The following WDR97 variants were observed in gnomAD, a reference collection of about 807,000 sequenced individuals.
WDR97 encodes WD repeat-containing protein 97.
WDR97 carries 111 observed loss-of-function variants against 65.4 expected under a neutral mutation model. The observed-to-expected ratio is 1.70, with a 90% CI of 1.45 to 1.99. The LOEUF (loss-of-function observed/expected upper bound fraction) is 1.99, where lower values mean the gene tolerates loss of function less well. Among genes scored for constraint, WDR97 ranks in the 30% most tolerant of loss-of-function variants. The pLI is 0.00. For missense variants in WDR97, 1,674 were observed against 865.0 expected (o/e 1.94, Z -11.73); for synonymous variants, 802 against 397.7 (o/e 2.02, Z -12.10).
At chr8:144,115,044 C>T (rs1431866061) in intron 21 of WDR97, 133 bp downstream of exon 21, 2 of 603,978 alleles carry the variant, frequency 3.3e-6, no homozygotes, top group East Asian at 2.7e-5. Flanking sequence ...CCTCCAGCCT[C>T]CCTGCCCTGA....
Position 144,116,223 on chromosome 8 carries a change from C to G in WDR97, c.4799C>G (p.Pro1600Arg). 1.5e-6 allele frequency: 1 copy of G among 683,802 alleles called. No homozygotes were observed. The highest frequency in any genetic ancestry group is 2.7e-6 in the Non-Finnish European group (1 of 374,944). 42.4% of individuals were successfully genotyped at this position (683,802 alleles called of 1,614,324 possible). A position where few individuals can be genotyped will look rare whatever the true frequency, so the allele number is the denominator to read the frequency against. Residue 1600 changes from proline to arginine, a missense_variant, in exon 24 of 24, where the codon CCG becomes CGG. Pro to Arg is a moderately radical substitution (Grantham distance 103, BLOSUM62 -2). Coordinates refer to ENST00000323662, the MANE Select transcript of WDR97 (RefSeq NM_001316309.2). ...CCTATGCCCCCGCGCCCGCTGCCCCCGCGGCTCCTGCAGCCGGCCCTGCAG... is the reference window on the plus strand; with the variant it reads ...CCTATGCCCCCGCGCCCGCTGCCCCGGCGGCTCCTGCAGCCGGCCCTGCAG... ...DWPMPPRPLPPRLLQPALQRY... is the reference protein window; with the variant it reads ...DWPMPPRPLPRRLLQPALQRY...
chr8:144,115,551 AC>A lies in WDR97; in HGVS notation c.4292del (p.Pro1431LeufsTer12). On this transcript the variant is annotated frameshift_variant, in exon 22 of 24. Coordinates refer to ENST00000323662, the MANE Select transcript of WDR97 (RefSeq NM_001316309.2). LOFTEE classifies it high-confidence loss of function. ...GCTGGCACCCAAGCGCAGCTGGGGG[AC>A]CCCTCAGCTCCGTCTCAGAGTGCTC... The part of the protein sequence containing the change: ...RMLAPKRSWG[T>X]PQLRLRVLSE... 1 of 696,250 alleles carries A rather than the reference AC, an allele frequency of 1.4e-6. No individual in the cohort carries two copies. The highest frequency in any genetic ancestry group is 2.0e-5 in the Admixed American group (1 of 49,736). The allele number at this position is 696,250 out of a possible 1,614,324, so 43.1% of individuals were successfully genotyped here.
chr8:144,115,845 C>T lies in WDR97; in HGVS notation c.4582C>T (p.Pro1528Ser), dbSNP rs750275805. The T allele has an allele frequency of 7.1e-5, 49 of 689,962 alleles. 1 individual carries two copies. The highest frequency in any genetic ancestry group is 7.1e-4 in the South Asian group (47 of 66,416). 42.7% of individuals were successfully genotyped at this position (689,962 alleles called of 1,614,324 possible). ...GGTGCCCGACATGGTGGTGCCACCT[C>T]CGCGGGAGCACTGGTGCGCGGGGCC... ...APVPDMVVPP[P>S]REHWYHPILR... The change falls in exon 22 of 24, where the codon CCG becomes TCG. Residue 1528 changes from proline (P) to serine (S), a missense_variant. Coordinates refer to ENST00000323662, the MANE Select transcript of WDR97 (RefSeq NM_001316309.2).
chr8:144,113,176 G>A, intron 15 of WDR97: 1 of 550,802 alleles, frequency 1.8e-6, no homozygotes, highest in Non-Finnish European at 3.2e-6. Context: ...GGGTGTCAGG[G>A]CCCCTAGAAG....
Position 144,112,130 on chromosome 8 carries a change from A to C in WDR97, c.2881A>C (p.Ser961Arg), listed in dbSNP as rs1346330548. ...CCCACCCACCCACCGTAGGGTGCAC[A>C]GCAAGGCATCCCAGGTGAGGCTTCC... Reference protein sequence around the residue: ...PIPPTHRRVHSKASQLLARSS... With the variant: ...PIPPTHRRVHRKASQLLARSS... Residue 961 changes from serine to arginine, a missense_variant, in exon 13 of 24, where the codon AGC becomes CGC. Ser to Arg is a moderately radical substitution (Grantham distance 110). Transcript: ENST00000323662. The C allele has an allele frequency of 1.4e-6, 1 of 701,888 alleles. No homozygotes were observed. The highest frequency in any genetic ancestry group is 1.5e-5 in the South Asian group (1 of 67,572). 43.5% of individuals were successfully genotyped at this position (701,888 alleles called of 1,614,324 possible).
rs1022069914 is a variant in WDR97, at chr8:144,115,362, G to T, written c.4099G>T (p.Val1367Leu). ...ELQETPSQTS[V>L]VSGAPTRASV... ...CAAGGAGACCCCATCGCAGACGTCA[G>T]TGGTCTCTGGGGCACCCACACGCGC... Residue 1367 changes from valine to leucine, a missense_variant, in exon 22 of 24, where the codon GTG becomes TTG. Transcript: ENST00000323662. The T allele has an allele frequency of 2.6e-5, 16 of 607,898 alleles. No homozygotes were observed. The highest frequency in any genetic ancestry group is 8.9e-6 in the Non-Finnish European group (3 of 337,488). The allele number at this position is 607,898 out of a possible 1,614,324, so 37.7% of individuals were successfully genotyped here.
At position 144,115,656 on chromosome 8, in the gene WDR97, C is replaced by G. The variant is rs1383247635; in HGVS notation, c.4393C>G (p.Pro1465Ala). Residue 1465 changes from proline to alanine, a missense_variant, in exon 22 of 24, where the codon CCG (proline) becomes GCG (alanine). By Grantham distance (27) the Pro-to-Ala change is conservative. Coordinates refer to ENST00000323662, the MANE Select transcript of WDR97 (RefSeq NM_001316309.2). ...CGGGCCTGCTCAGCTGCCCGGAGAG[C>G]CGCCGCCGCTGGAGGAGACCGACTG... ...PAGPAQLPGE[P>A]PPLEETDWSH... is the part of the protein sequence containing the mutation. The G allele has an allele frequency of 5.8e-6, 4 of 692,354 alleles. No homozygotes were observed. The highest frequency in any genetic ancestry group is 1.1e-5 in the Non-Finnish European group (4 of 379,696). 42.9% of individuals were successfully genotyped at this position (692,354 alleles called of 1,614,324 possible). A position where few individuals can be genotyped will look rare whatever the true frequency, so the allele number is the denominator to read the frequency against.
chr8:144,116,440 G>A lies in WDR97; in HGVS notation c.*147G>A, dbSNP rs1836669495. The A allele has an allele frequency of 9.5e-6, 5 of 527,992 alleles. No homozygotes were observed. The highest frequency in any genetic ancestry group is 6.4e-5 in the East Asian group (2 of 31,460). The allele number at this position is 527,992 out of a possible 1,614,324, so 32.7% of individuals were successfully genotyped here. ...CCCGGGGTGCGCACGGCGTGTGGGC[G>A]TGCGGCCTGAACCCACAGTGGCGGC... On this transcript the variant is annotated 3_prime_UTR_variant, in exon 24 of 24. Transcript: ENST00000323662.
Position 144,110,506 on chromosome 8 carries a change from T to C in WDR97, c.2009T>C (p.Val670Ala). 1.4e-6 allele frequency: 1 copy of C among 702,960 alleles called. No homozygotes were observed. The highest frequency in any genetic ancestry group is 2.6e-6 in the Non-Finnish European group (1 of 384,964). The allele number at this position is 702,960 out of a possible 1,614,324, so 43.5% of individuals were successfully genotyped here. A position where few individuals can be genotyped will look rare whatever the true frequency, so the allele number is the denominator to read the frequency against. The change falls in exon 7 of 24, where the codon GTG (valine) becomes GCG (alanine). Residue 670 changes from valine to alanine, a missense_variant. Transcript: ENST00000323662. ...CCAGACAGCGCTACCTACGGCCTGG[T>C]GCAGTTTGGCCTGGGCGACAGTCCG... The part of the protein sequence containing the change: ...EDPDSATYGL[V>A]QFGLGDSPRL...
rs1255459060 is a variant in WDR97, at chr8:144,109,550, A to G, written c.1216A>G (p.Met406Val). 3 of 697,406 alleles carry G rather than the reference A, an allele frequency of 4.3e-6. No individual in the cohort carries two copies. The highest frequency in any genetic ancestry group is 2.7e-5 in the East Asian group (1 of 36,920). 43.2% of individuals were successfully genotyped at this position (697,406 alleles called of 1,614,324 possible). Reference sequence around the variant, plus strand: ...GGTGCTGTCCCTGTGCGCGAGCAGCATGCAGCTGTGGCGCGTACGCGAGCT... The same window carrying G: ...GGTGCTGTCCCTGTGCGCGAGCAGCGTGCAGCTGTGGCGCGTACGCGAGCT... ...WPVLSLCASS[M>V]QLWRVRELYS... The change falls in exon 5 of 24, where the codon ATG becomes GTG. Residue 406 changes from methionine to valine, a missense_variant. By Grantham distance (21) the Met-to-Val change is conservative. Coordinates refer to ENST00000323662, the MANE Select transcript of WDR97 (RefSeq NM_001316309.2).
chr8:144,108,669 C>T lies in WDR97; in HGVS notation c.603C>T (p.Cys201=), dbSNP rs764282662. ...VGRAPGWAPT[C]CLPVPDLRLL... is the part of the protein sequence containing the mutation. ...GGGCCCCGGGTTGGGCGCCCACCTGCTGCCTGCCGGTTCCCGACCTCAGGC... is the reference window on the plus strand; with the variant it reads ...GGGCCCCGGGTTGGGCGCCCACCTGTTGCCTGCCGGTTCCCGACCTCAGGC... Residue 201 remains cysteine (C), a synonymous_variant, in exon 3 of 24, where the codon TGC becomes TGT. Coordinates refer to ENST00000323662, the MANE Select transcript of WDR97 (RefSeq NM_001316309.2). 4 of 700,630 alleles carry T rather than the reference C, an allele frequency of 5.7e-6. No individual in the cohort carries two copies. The highest frequency in any genetic ancestry group is 1.7e-5 in the African/African-American group (1 of 57,210). 43.4% of individuals were successfully genotyped at this position (700,630 alleles called of 1,614,324 possible).
chr8:144,108,596 T>G lies in WDR97; in HGVS notation c.530T>G (p.Leu177Arg), dbSNP rs1019302404. 1.4e-6 allele frequency: 1 copy of G among 700,828 alleles called. No individual in the cohort carries two copies. Among genetic ancestry groups the G allele is most frequent in the Admixed American group, 2.0e-5 (1 of 49,988 alleles). 43.4% of individuals were successfully genotyped at this position (700,828 alleles called of 1,614,324 possible). Residue 177 changes from leucine (L) to arginine (R), a missense_variant, in exon 3 of 24, where the codon CTG becomes CGG. Leu to Arg is a moderately radical substitution (Grantham distance 102, BLOSUM62 -2). Coordinates refer to ENST00000323662, the MANE Select transcript of WDR97 (RefSeq NM_001316309.2). ...VGWGPAGLAI[L>R]RPNLSLLWLS... Reference sequence around the variant, plus strand: ...TGGGGCCCCGCGGGGCTGGCAATTCTGAGGCCCAACCTCAGCCTGCTGTGG... The same window carrying G: ...TGGGGCCCCGCGGGGCTGGCAATTCGGAGGCCCAACCTCAGCCTGCTGTGG...
rs1228025551 is a variant in WDR97 at position 144,108,553 on chromosome 8, G to A, written c.487G>A (p.Val163Met). ...LVTVLGPLGA[V>M]GRFVGWGPAG... The stretch of plus-strand genomic sequence containing the variant: ...GACCGTGCTGGGCCCGCTGGGTGCC[G>A]TGGGCCGTTTTGTAGGCTGGGGCCC... The change falls in exon 3 of 24, where the codon GTG becomes ATG. Residue 163 changes from valine (V) to methionine (M), a missense_variant. Transcript: ENST00000323662. 5.7e-6 allele frequency: 4 copies of A among 700,902 alleles called. No homozygotes were observed. Among genetic ancestry groups the A allele is most frequent in the East Asian group, 5.4e-5 (2 of 37,274 alleles). 43.4% of individuals were successfully genotyped at this position (700,902 alleles called of 1,614,324 possible).
intron 11 of WDR97, 48 bp downstream of exon 11, chr8:144,111,534 C>G (rs1457108788): frequency 7.2e-6 from 5 of 696,992 alleles, no homozygotes; most frequent in Non-Finnish European, 1.3e-5. Context: ...CAGGCCCCAG[C>G]CGTCAGCCCT....
rs1476600618 is a variant in WDR97 at position 144,115,746 on chromosome 8, CG to C, written c.4486del (p.Ala1496ArgfsTer57). 6 of 701,286 alleles carry C rather than the reference CG, an allele frequency of 8.6e-6. No individual in the cohort carries two copies. In the East Asian group the frequency reaches 1.3e-4, roughly 16 times the overall value. The allele number at this position is 701,286 out of a possible 1,614,324, so 43.4% of individuals were successfully genotyped here. ...DALNFFCEQL[R>X]AQQRSSLQEK... Reference sequence around the variant, plus strand: ...GCTCAACTTCTTCTGTGAGCAGCTGCGGGCGCAGCAGCGGAGTTCGCTCCAG... The same window carrying C: ...GCTCAACTTCTTCTGTGAGCAGCTGCGGCGCAGCAGCGGAGTTCGCTCCAG... On this transcript the variant is annotated frameshift_variant, in exon 22 of 24. Transcript: ENST00000323662. LOFTEE classifies it high-confidence loss of function.
chr8:144,110,776 C>A, intron 8 of WDR97, 37 bp downstream of exon 8: 1 of 702,634 alleles, frequency 1.4e-6, no homozygotes, highest in East Asian at 2.7e-5. Flanking sequence ...GGTCTCCTAC[C>A]TCTGCTCCTC....
At position 144,111,204 on chromosome 8, in the gene WDR97, A is replaced by G. The variant is rs1836541890; in HGVS notation, c.2408A>G (p.His803Arg). ...SAQLQRLTNL[H>R]GAASLSEALS... ...CAACTGCAGAGGCTCACCAACCTCCATGGGGCAGCCAGCCTCAGGTCCCAT... is the reference window on the plus strand; with the variant it reads ...CAACTGCAGAGGCTCACCAACCTCCGTGGGGCAGCCAGCCTCAGGTCCCAT... Residue 803 changes from histidine (H) to arginine (R), a missense_variant, in exon 10 of 24, where the codon CAT (histidine) becomes CGT (arginine). Coordinates refer to ENST00000323662, the MANE Select transcript of WDR97 (RefSeq NM_001316309.2). The G allele has an allele frequency of 1.4e-6, 1 of 702,538 alleles. No individual in the cohort carries two copies. The highest frequency in any genetic ancestry group is 1.5e-5 in the South Asian group (1 of 67,596). The allele number at this position is 702,538 out of a possible 1,614,324, so 43.5% of individuals were successfully genotyped here. A position where few individuals can be genotyped will look rare whatever the true frequency, so the allele number is the denominator to read the frequency against.
Position 144,117,406 on chromosome 8 carries a change from T to C in WDR97, c.*1113T>C, listed in dbSNP as rs1424592461. 1 of 152,232 alleles carries C rather than the reference T, an allele frequency of 6.6e-6. No homozygotes were observed. Among genetic ancestry groups the C allele is most frequent in the African/African-American group, 2.4e-5 (1 of 41,434 alleles). The allele number at this position is 152,232 out of a possible 1,614,324, so 9.4% of individuals were successfully genotyped here. A position where few individuals can be genotyped will look rare whatever the true frequency, so the allele number is the denominator to read the frequency against. On this transcript the variant is annotated 3_prime_UTR_variant, in exon 24 of 24. Coordinates refer to ENST00000323662, the MANE Select transcript of WDR97 (RefSeq NM_001316309.2). ...AAACCTAGATACCTCGATCAGTGTCTAGCGATGTCAAGGCCCCCAGTTTGG... is the reference window on the plus strand; with the variant it reads ...AAACCTAGATACCTCGATCAGTGTCCAGCGATGTCAAGGCCCCCAGTTTGG...
At position 144,115,355 on chromosome 8, in the gene WDR97, G is replaced by C. The variant is rs2130115013; in HGVS notation, c.4092G>C (p.Gln1364His). 1.7e-6 allele frequency: 1 copy of C among 600,826 alleles called. No homozygotes were observed. Among genetic ancestry groups the C allele is most frequent in the East Asian group, 2.8e-5 (1 of 35,778 alleles). The allele number at this position is 600,826 out of a possible 1,614,324, so 37.2% of individuals were successfully genotyped here. Reference sequence around the variant, plus strand: ...CTCCTCCCAAGGAGACCCCATCGCAGACGTCAGTGGTCTCTGGGGCACCCA... The same window carrying C: ...CTCCTCCCAAGGAGACCCCATCGCACACGTCAGTGGTCTCTGGGGCACCCA... ...MIQELQETPS[Q>H]TSVVSGAPTR... The change falls in exon 22 of 24, where the codon CAG (glutamine) becomes CAC (histidine). Residue 1364 changes from glutamine (Q) to histidine (H), a missense_variant. Physicochemically the swap from Gln to His is conservative, Grantham distance 24. Transcript: ENST00000323662.
Sources: gnomAD v4.1 joint callset for allele counts on GRCh38, gnomAD v4.1.1 for gene constraint, MANE v1.5 for transcripts, NCBI Gene and HGNC (gene_info 2026-07-23, HGNC 2026-07-21) for gene names.